The following NAV2 variants were observed in gnomAD, a reference collection of about 807,000 sequenced individuals.
NAV2 encodes the protein neuron navigator 2.
NAV2 carries 54 observed loss-of-function variants against 223.2 expected under a neutral mutation model. That is an observed-to-expected ratio of 0.24 (90% CI 0.19 to 0.30). The LOEUF (loss-of-function observed/expected upper bound fraction) is 0.30, where lower values mean the gene tolerates loss of function less well. NAV2 is among the 10% of genes least tolerant of loss of function. NAV2 has a pLI of 1.00. For missense variants in NAV2, 2,806 were observed against 3,147.5 expected, an observed-to-expected ratio of 0.89 and a Z score of 2.60; for synonymous variants, 1,279 against 1,239.3, an observed-to-expected ratio of 1.03 and a Z score of -0.67.
At chr11:19,769,654 C>T (rs1312057171) in intron 1 of NAV2, among the ~76,000 whole-genome samples, 1 of 152,164 alleles carries the variant, frequency 6.6e-6, no homozygotes, top group African/African-American at 2.4e-5. Context: ...TTGCAAACAA[C>T]CATGTCCTGG....
chr11:19,523,932 G>A (rs1458295205), intron 1 of NAV2, among the ~76,000 whole-genome samples: 3 of 151,994 alleles, frequency 2.0e-5, no homozygotes, highest in Non-Finnish European at 4.4e-5. Context: ...TCTTTCCCTG[G>A]GTAGCTTCTG....
At chr11:19,459,214 G>C (rs1852067602) in intron 1 of NAV2, among the ~76,000 whole-genome samples, 1 of 152,220 alleles carries the variant, frequency 6.6e-6, no homozygotes, top group Non-Finnish European at 1.5e-5. Context: ...ACCGGGGGTA[G>C]CTGTCTTTGC....
intron 3 of NAV2, among the ~76,000 whole-genome samples, chr11:19,866,606 A>G (rs2062109665): frequency 6.6e-6 from 1 of 152,190 alleles, no homozygotes; most frequent in African/African-American, 2.4e-5. Flanking sequence ...TATGTGTTGA[A>G]TGTTCCATAA....
At chr11:19,538,263 A>G (rs1463182387) in intron 1 of NAV2, among the ~76,000 whole-genome samples, 2 of 152,168 alleles carry the variant, frequency 1.3e-5, no homozygotes, top group Non-Finnish European at 2.9e-5. Context: ...GTCATCATTG[A>G]GCTTGACCTT....
intron 1 of NAV2, among the ~76,000 whole-genome samples, chr11:19,498,274 C>A (rs902147821): frequency 3.9e-5 from 6 of 152,206 alleles, no homozygotes; most frequent in African/African-American, 1.4e-4. Context: ...TCTATTTCTC[C>A]CTGCCTTGGT....
At chr11:19,867,724 G>C (rs987798239) in intron 3 of NAV2, among the ~76,000 whole-genome samples, 1 of 152,224 alleles carries the variant, frequency 6.6e-6, no homozygotes, top group East Asian at 1.9e-4. Flanking sequence ...GGGTTGAGTA[G>C]AGTGTATATT....
intron 10 of NAV2, among the ~76,000 whole-genome samples, chr11:19,962,623 G>A (rs897383356): frequency 2.6e-5 from 4 of 152,230 alleles, no homozygotes; most frequent in East Asian, 1.9e-4. Context: ...CCCTTCCTTC[G>A]TCCCCTGGGT....
chr11:19,368,913 G>A (rs1564882618), intron 1 of NAV2, among the ~76,000 whole-genome samples: 1 of 152,158 alleles, frequency 6.6e-6, no homozygotes, highest in Non-Finnish European at 1.5e-5. Context: ...AGTCCATTTA[G>A]CTCCAAATTC....
At chr11:19,872,957 C>G (rs747550416) in intron 4 of NAV2, among the ~76,000 whole-genome samples, 1 of 152,146 alleles carries the variant, frequency 6.6e-6, no homozygotes, top group Non-Finnish European at 1.5e-5. Flanking sequence ...GGGTGGTGTT[C>G]AAGATCCCCC....
chr11:19,616,988 G>A (rs2046816868), intron 1 of NAV2, among the ~76,000 whole-genome samples: 1 of 151,946 alleles, frequency 6.6e-6, no homozygotes, highest in South Asian at 2.1e-4. Flanking sequence ...CTATAACATG[G>A]GTCTCATAAC....
intron 1 of NAV2, among the ~76,000 whole-genome samples, chr11:19,729,016 T>G (rs1203217821): frequency 6.6e-6 from 1 of 152,080 alleles, no homozygotes; most frequent in Non-Finnish European, 1.5e-5. Context: ...CCAGGGAGCT[T>G]GTTAAGTGTG....
chr11:19,741,259 A>G (rs7931601), intron 1 of NAV2, among the ~76,000 whole-genome samples: 126,869 of 152,150 alleles, frequency 0.83, 53,870 homozygotes, highest in Middle Eastern at 0.93. Flanking sequence ...AAGTATCTTT[A>G]TGTGTGTGGT....
At chr11:19,668,532 C>CAAA (rs762975832) in intron 1 of NAV2, among the ~76,000 whole-genome samples, 37,303 of 64,898 alleles carry the variant, frequency 0.57, 13,386 homozygotes, top group East Asian at 0.82. Flanking sequence ...GACTCGGTCT[C>CAAA]AAAAAAAAAA....
chr11:19,598,930 C>T (rs977089749), intron 1 of NAV2, among the ~76,000 whole-genome samples: 1 of 152,082 alleles, frequency 6.6e-6, no homozygotes, highest in Non-Finnish European at 1.5e-5. Flanking sequence ...ATTTTTGGTT[C>T]CAACTGTGTT....
chr11:19,993,213 C>A (rs1019236295), intron 11 of NAV2, among the ~76,000 whole-genome samples: 1 of 152,132 alleles, frequency 6.6e-6, no homozygotes, highest in South Asian at 2.1e-4. Context: ...GCATAACAAA[C>A]AATTCTCAAA....
chr11:19,932,236 CAAAAAA>C (rs398015484), intron 6 of NAV2, among the ~76,000 whole-genome samples: 26 of 78,992 alleles, frequency 3.3e-4, no homozygotes, highest in South Asian at 1.1e-3. Context: ...CACTCTTAAG[CAAAAAA>C]AAAAAAAAAA....
chr11:19,392,541 G>A (rs1849290870), intron 1 of NAV2, among the ~76,000 whole-genome samples: 1 of 152,158 alleles, frequency 6.6e-6, no homozygotes, highest in Non-Finnish European at 1.5e-5. Context: ...TCCTTACAAT[G>A]TGGTTGCTGG....
chr11:19,391,294 G>C (rs2702660), intron 1 of NAV2, among the ~76,000 whole-genome samples: 139,311 of 152,116 alleles, frequency 0.92, 65,005 homozygotes, highest in East Asian at 1. Flanking sequence ...TCAGTTCTGT[G>C]TTAGTGTCTC....
At position 19,415,124 on chromosome 11, in the gene NAV2, G is replaced by A. The variant is rs573932644; in HGVS notation, c.75+64097G>A. On this transcript the variant is annotated intron_variant, in intron 1 of 37. Transcript: ENST00000360655. The stretch of plus-strand genomic sequence containing the variant: ...GCAGAAATGAAGGAGATAGAGACAC[G>A]AAAAACCCTTCAAAAAATCAATGAA... Among the ~76,000 whole-genome samples, 528 of 151,912 alleles carry A rather than the reference G, an allele frequency of 3.5e-3. 4 individuals are homozygous for A. The highest frequency in any genetic ancestry group is 0.011 in the African/African-American group (472 of 41,460).
Sources: gnomAD v4.1 joint callset for allele counts (sites outside exome capture counted in the v4.1 genomes callset) on GRCh38, gnomAD v4.1.1 for gene constraint, MANE v1.5 for transcripts, NCBI Gene and HGNC (gene_info 2026-07-23, HGNC 2026-07-21) for gene names.